The following OLFM3 variants were observed in gnomAD, a reference collection of about 807,000 sequenced individuals.
OLFM3 encodes olfactomedin 3, also known as noelin-3.
In OLFM3, 20 loss-of-function variants were observed where a neutral mutation model predicts 48.6. That is an observed-to-expected ratio of 0.41 (90% CI 0.29 to 0.60). The LOEUF (loss-of-function observed/expected upper bound fraction) is 0.60, where lower values mean the gene tolerates loss of function less well. Among genes scored for constraint, OLFM3 ranks in the 20% least tolerant of loss-of-function variants. OLFM3 has a pLI of 0.28. For synonymous variants in OLFM3, 222 were observed against 198.1 expected (o/e 1.12, Z -1.01); for missense variants, 437 against 544.3 (o/e 0.80, Z 1.96).
At chr1:101,937,777 A>G (rs914195371) in intron 1 of OLFM3, among the ~76,000 whole-genome samples, 5 of 152,220 alleles carry the variant, frequency 3.3e-5, no homozygotes, top group Non-Finnish European at 7.3e-5. Context: ...TCATATCTCA[A>G]ATACTTTCTT....
At chr1:101,940,235 T>G (rs1378441319) in intron 1 of OLFM3, among the ~76,000 whole-genome samples, 1 of 152,042 alleles carries the variant, frequency 6.6e-6, no homozygotes, top group African/African-American at 2.4e-5. Context: ...TGAAAAAAAG[T>G]GGAACTTTAG....
chr1:101,883,147 C>A (rs900717990), intron 1 of OLFM3, among the ~76,000 whole-genome samples: 1 of 151,718 alleles, frequency 6.6e-6, no homozygotes, highest in Non-Finnish European at 1.5e-5. Flanking sequence ...TCCCAGGTAG[C>A]TGTCATCTTT....
chr1:101,887,624 C>A (rs1054445070), intron 1 of OLFM3, among the ~76,000 whole-genome samples: 1 of 151,922 alleles, frequency 6.6e-6, no homozygotes, highest in African/African-American at 2.4e-5. Context: ...TATTATTGTA[C>A]TTTGTGTCCA....
intron 1 of OLFM3, among the ~76,000 whole-genome samples, chr1:101,959,084 A>G (rs912642127): frequency 7.0e-6 from 1 of 143,762 alleles, no homozygotes; most frequent in Non-Finnish European, 1.5e-5. Context: ...TGGTGTTAGA[A>G]AACAATTTTA....
chr1:101,816,458 C>A (rs867363883), intron 4 of OLFM3, among the ~76,000 whole-genome samples: 7 of 152,076 alleles, frequency 4.6e-5, no homozygotes, highest in Admixed American at 4.6e-4. Context: ...TAATCATGTG[C>A]CTATCTTTCC....
chr1:101,982,117 G>A (rs938820017), intron 1 of OLFM3, among the ~76,000 whole-genome samples: 3 of 151,994 alleles, frequency 2.0e-5, no homozygotes, highest in Admixed American at 2.0e-4. Context: ...TCTTTATTTG[G>A]GGGAAACCTC....
At chr1:101,851,739 C>T (rs1049885835) in intron 1 of OLFM3, among the ~76,000 whole-genome samples, 2 of 152,136 alleles carry the variant, frequency 1.3e-5, no homozygotes, top group African/African-American at 4.8e-5. Context: ...CTGCTTACTT[C>T]CTCACCTGTG....
chr1:101,967,061 T>TC (rs1444048236), intron 1 of OLFM3, among the ~76,000 whole-genome samples: 1 of 152,002 alleles, frequency 6.6e-6, no homozygotes, highest in Non-Finnish European at 1.5e-5. Flanking sequence ...AGTTGCTATT[T>TC]ATATTAAACT....
At chr1:101,822,192 A>G (rs1010265598) in intron 4 of OLFM3, among the ~76,000 whole-genome samples, 10 of 152,162 alleles carry the variant, frequency 6.6e-5, no homozygotes, top group Non-Finnish European at 1.0e-4. Context: ...TGAGGAGAAT[A>G]TAGAACTACC....
At chr1:101,860,887 A>C (rs886705651) in intron 1 of OLFM3, among the ~76,000 whole-genome samples, 6 of 152,016 alleles carry the variant, frequency 3.9e-5, no homozygotes. Context: ...AGGCTTAAAC[A>C]TAATAGCCAG....
chr1:101,819,942 A>G (rs1365318154), intron 4 of OLFM3, among the ~76,000 whole-genome samples: 1 of 152,044 alleles, frequency 6.6e-6, no homozygotes, highest in East Asian at 1.9e-4. Context: ...GCGCTTGTCA[A>G]GCAGTAGGCA....
intron 1 of OLFM3, among the ~76,000 whole-genome samples, chr1:101,870,181 A>C (rs745499129): frequency 4.5e-4 from 68 of 152,142 alleles, no homozygotes; most frequent in Non-Finnish European, 8.7e-4. Flanking sequence ...ATTACAAAAT[A>C]ATTGCTTCAC....
chr1:101,831,866 A>G (rs17430033), intron 2 of OLFM3, among the ~76,000 whole-genome samples: 3,726 of 152,332 alleles, frequency 0.024, 73 homozygotes, highest in Non-Finnish European at 0.036. Flanking sequence ...AAATGTAAAG[A>G]TCTTCATAAA....
At chr1:101,906,850 A>G (rs941170910) in intron 1 of OLFM3, among the ~76,000 whole-genome samples, 1 of 152,198 alleles carries the variant, frequency 6.6e-6, no homozygotes, top group African/African-American at 2.4e-5. Flanking sequence ...AAGCATTTCA[A>G]ATATGACACA....
Position 101,856,568 on chromosome 1 carries a change from T to C in OLFM3, c.70-19543A>G, listed in dbSNP as rs554340962. 3.0e-4 allele frequency among the ~76,000 whole-genome samples: 46 copies of C among 152,138 alleles called. 1 individual carries two copies. Among genetic ancestry groups the C allele is most frequent in the African/African-American group, 9.6e-4 (40 of 41,484 alleles). On this transcript the variant is annotated intron_variant, in intron 1 of 5. Coordinates refer to ENST00000370103, the MANE Select transcript of OLFM3 (RefSeq NM_058170.4). ...GTTGATAAAGGTTGTCTCTTGTTAT[T>C]GAAATCAAATAGCTGATTTTTTTCT...
chr1:101,843,926 G>A (rs111631969), intron 1 of OLFM3, among the ~76,000 whole-genome samples: 8,826 of 152,046 alleles, frequency 0.058, 339 homozygotes, highest in Middle Eastern at 0.13. Context: ...CTGCGTGTGC[G>A]TGTGCGTGTG....
At chr1:101,883,253 C>T (rs1350275993) in intron 1 of OLFM3, among the ~76,000 whole-genome samples, 4 of 150,380 alleles carry the variant, frequency 2.7e-5, no homozygotes, top group Non-Finnish European at 5.9e-5. Flanking sequence ...AAGATCAAAC[C>T]TGAATATTTG....
At chr1:101,817,398 A>AAT (rs1428347417) in intron 4 of OLFM3, among the ~76,000 whole-genome samples, 1 of 152,166 alleles carries the variant, frequency 6.6e-6, no homozygotes, top group African/African-American at 2.4e-5. Context: ...AATGTACTGA[A>AAT]ATATACATCT....
intron 1 of OLFM3, among the ~76,000 whole-genome samples, chr1:101,907,783 T>G (rs1301953480): frequency 6.6e-6 from 1 of 152,188 alleles, no homozygotes; most frequent in Admixed American, 6.5e-5. Context: ...AGATTCTTTT[T>G]TGCAAAAGGC....
Sources: allele counts gnomAD v4.1 joint callset (sites outside exome capture counted in the v4.1 genomes callset), GRCh38; gene constraint gnomAD v4.1.1; transcripts MANE v1.5; gene names NCBI Gene and HGNC (gene_info 2026-07-23, HGNC 2026-07-21).